MCM5: variants seen among roughly 807,000 people sequenced by gnomAD.
The protein encoded by MCM5 is DNA replication licensing factor MCM5.
In MCM5, 46 loss-of-function variants were observed where a neutral mutation model predicts 79.9. That is an observed-to-expected ratio of 0.58 (90% CI 0.45 to 0.74). The LOEUF is 0.74. MCM5 is among the 30% of genes least tolerant of loss of function. The pLI, the probability that MCM5 is intolerant of heterozygous loss-of-function variation, is 0.00. For synonymous variants in MCM5, 404 were observed against 390.5 expected (o/e 1.03, Z -0.41); for missense variants, 883 against 1,017.0 (o/e 0.87, Z 1.79).
intron 7 of MCM5, among the ~76,000 whole-genome samples, chr22:35,411,766 C>G (rs1466446966): frequency 6.6e-6 from 1 of 152,180 alleles, no homozygotes; most frequent in African/African-American, 2.4e-5. Flanking sequence ...AAGTAGCTCT[C>G]ACATTTCCAT....
At chr22:35,416,294 C>T in intron 10 of MCM5, 45 bp from the exon 11 acceptor site, 1 of 1,573,146 alleles carries the variant, frequency 6.4e-7, no homozygotes. Context: ...CTCCCTGCTC[C>T]CTCACTTCAG....
Position 35,424,396 on chromosome 22 carries a change from G to A in MCM5, c.*141G>A, listed in dbSNP as rs1932758100. 1.5e-6 allele frequency: 1 copy of A among 647,566 alleles called. No homozygotes were observed. Among genetic ancestry groups the A allele is most frequent in the African/African-American group, 1.8e-5 (1 of 54,556 alleles). 40.1% of individuals were successfully genotyped at this position (647,566 alleles called of 1,614,324 possible). On this transcript the variant is annotated 3_prime_UTR_variant, in exon 17 of 17. Transcript: ENST00000216122. ...CAGGCACCCTCCTTTCTGCCCCAGA[G>A]GAAGGAGCTGTAGTGTCCTGCTGCC...
chr22:35,437,635 CAGAG>C, the MCM5 span, among the ~76,000 whole-genome samples: 1 of 152,156 alleles, frequency 6.6e-6, no homozygotes. Flanking sequence ...TCCTGACTAT[CAGAG>C]AGGAGATGAA....
At chr22:35,426,536 C>T (rs145143252), downstream of MCM5, among the ~76,000 whole-genome samples, 1 of 152,328 alleles carries the variant, frequency 6.6e-6, no homozygotes, top group Non-Finnish European at 1.5e-5. Flanking sequence ...TCCCTACCCT[C>T]ACCAGCTACA....
chr22:35,436,731 T>TC, the MCM5 span, among the ~76,000 whole-genome samples: 1 of 152,220 alleles, frequency 6.6e-6, no homozygotes, highest in Non-Finnish European at 1.5e-5. Context: ...CACAGGCCAT[T>TC]CTGGGTCAGG....
the MCM5 span, among the ~76,000 whole-genome samples, chr22:35,444,778 C>T: frequency 1.3e-5 from 2 of 152,098 alleles, no homozygotes; most frequent in Non-Finnish European, 2.9e-5. Flanking sequence ...CTTTGGGAGG[C>T]GGAGGTGGGA....
chr22:35,400,680 C>G, intron 2 of MCM5, 75 bp downstream of exon 2: 1 of 1,458,224 alleles, frequency 6.9e-7, no homozygotes, highest in Non-Finnish European at 9.1e-7. Flanking sequence ...TGCTAGAGTC[C>G]TGGACAGTCA....
At chr22:35,442,965 G>T in the MCM5 span, among the ~76,000 whole-genome samples, 3 of 152,156 alleles carry the variant, frequency 2.0e-5, no homozygotes, top group African/African-American at 7.2e-5. Context: ...TTCTCACGGG[G>T]TCCTAGCTCC....
intron 13 of MCM5, among the ~76,000 whole-genome samples, chr22:35,418,259 G>A (rs1368074074): frequency 6.6e-6 from 1 of 152,188 alleles, no homozygotes; most frequent in Non-Finnish European, 1.5e-5. Context: ...TGTAAGGATT[G>A]CACAAGATGA....
At chr22:35,449,641 T>G in the MCM5 span, among the ~76,000 whole-genome samples, 1 of 152,242 alleles carries the variant, frequency 6.6e-6, no homozygotes, top group African/African-American at 2.4e-5. Flanking sequence ...GTGGCCTCTG[T>G]GCCCCCGCCC....
At chr22:35,430,060 ATG>A (rs2145809768), downstream of MCM5, among the ~76,000 whole-genome samples, 1 of 152,350 alleles carries the variant, frequency 6.6e-6, no homozygotes, top group Non-Finnish European at 1.5e-5. Context: ...CACCCTAAAA[ATG>A]GGGGGAATAA....
At position 35,403,501 on chromosome 22, in the gene MCM5, C is replaced by G. The variant is rs1157272411; in HGVS notation, c.382C>G (p.Leu128Val). The change falls in exon 4 of 17, where the codon CTC becomes GTC. Residue 128 changes from leucine (L) to valine (V), a missense_variant. Around this residue, in one of 3 missense-constraint regions of MCM5, gnomAD observed 455 missense variants for 517.5 expected, o/e 0.88. Coordinates refer to ENST00000216122, the MANE Select transcript of MCM5 (RefSeq NM_006739.4). Reference protein sequence around the residue: ...EEVLQDIQVMLKSDASPSSIR... With the variant: ...EEVLQDIQVMVKSDASPSSIR... The stretch of plus-strand genomic sequence containing the variant: ...GGTGCTCCAGGACATCCAGGTCATG[C>G]TCAAGTCGGACGCCAGCCCTTCCAG... 1.2e-6 allele frequency: 2 copies of G among 1,614,174 alleles called. No homozygotes were observed. Among genetic ancestry groups the G allele is most frequent in the Non-Finnish European group, 1.7e-6 (2 of 1,180,042 alleles).
chr22:35,447,655 C>G, the MCM5 span, among the ~76,000 whole-genome samples: 1 of 152,066 alleles, frequency 6.6e-6, no homozygotes, highest in Non-Finnish European at 1.5e-5. Flanking sequence ...TTAGTAGAGA[C>G]AGGGTGTCAC....
chr22:35,402,487 C>A (rs1019794986), intron 2 of MCM5, among the ~76,000 whole-genome samples: 1 of 151,674 alleles, frequency 6.6e-6, no homozygotes, highest in Admixed American at 6.6e-5. Flanking sequence ...CCACCACACC[C>A]GGCTAGGTTT....
At chr22:35,406,399 T>G (rs1932216449) in intron 4 of MCM5, among the ~76,000 whole-genome samples, 154 bp from the exon 5 acceptor site, 2 of 150,478 alleles carry the variant, frequency 1.3e-5, no homozygotes, top group African/African-American at 4.9e-5. Flanking sequence ...GTGGATGCTC[T>G]GGAAGCATTT....
intron 13 of MCM5, among the ~76,000 whole-genome samples, chr22:35,418,166 C>T (rs1932595854): frequency 6.6e-6 from 1 of 152,142 alleles, no homozygotes; most frequent in African/African-American, 2.4e-5. Context: ...GTCATACCTG[C>T]CTTCACTCTA....
At position 35,415,925 on chromosome 22, in the gene MCM5, A is replaced by C. The variant is rs1390872897; in HGVS notation, c.1300A>C (p.Met434Leu). 6.2e-7 allele frequency: 1 copy of C among 1,614,166 alleles called. No homozygotes were observed. Among genetic ancestry groups the C allele is most frequent in the Non-Finnish European group, 8.5e-7 (1 of 1,180,034 alleles). ...GAATTTCATCATGGAGGGCGGAGCC[A>C]TGGTCCTGGCCGATGGTGGGGTCGT... is the stretch of plus-strand genomic sequence containing the variant. ...SRNFIMEGGA[M>L]VLADGGVVCI... Residue 434 changes from methionine to leucine, a missense_variant, in exon 10 of 17, where the codon ATG becomes CTG. Around this residue, in one of 3 missense-constraint regions of MCM5, gnomAD observed 426 missense variants for 482.3 expected, o/e 0.88. Coordinates refer to ENST00000216122, the MANE Select transcript of MCM5 (RefSeq NM_006739.4).
intron 11 of MCM5, 58 bp downstream of exon 11, chr22:35,416,462 C>T: frequency 6.4e-7 from 1 of 1,568,284 alleles, no homozygotes; most frequent in Non-Finnish European, 8.7e-7. Context: ...CCCAACCGTC[C>T]TCAGGCTGCC....
At chr22:35,449,090 TGAA>T in the MCM5 span, among the ~76,000 whole-genome samples, 1 of 152,016 alleles carries the variant, frequency 6.6e-6, no homozygotes, top group African/African-American at 2.4e-5. Flanking sequence ...CAGGGCAGGT[TGAA>T]GAACTAGGAG....
Sources: gnomAD v4.1 joint callset for allele counts (sites outside exome capture counted in the v4.1 genomes callset) on GRCh38, gnomAD v4.1.1 for gene constraint, gnomAD v4.1.1 regional missense constraint, MANE v1.5 for transcripts, NCBI Gene and HGNC (gene_info 2026-07-23, HGNC 2026-07-21) for gene names.